The following NPAS4 variants were observed in gnomAD, a reference collection of about 807,000 sequenced individuals.
NPAS4 encodes the protein neuronal PAS domain protein 4.
Under a neutral mutation model 64.0 loss-of-function variants are expected in NPAS4, and 10 were observed. The observed-to-expected ratio is 0.16, with a 90% CI of 0.10 to 0.26. The LOEUF (loss-of-function observed/expected upper bound fraction) is 0.26. NPAS4 is among the 10% of genes least tolerant of loss of function. The probability of loss-of-function intolerance (pLI) is 1.00; values close to 1 mark genes in which losing one functional copy is unlikely to be tolerated. For synonymous variants in NPAS4, 441 were observed against 411.7 expected, an observed-to-expected ratio of 1.07 and a Z score of -0.86; for missense variants, 886 against 992.6, an observed-to-expected ratio of 0.89 and a Z score of 1.44.
chr11:66,420,232 G>T (rs1273733088), upstream of NPAS4, among the ~76,000 whole-genome samples: 1 of 152,240 alleles, frequency 6.6e-6, no homozygotes, highest in Non-Finnish European at 1.5e-5. Flanking sequence ...AGGTTAATTA[G>T]CTGAGAGGGA....
In NPAS4 at chr11:66,424,419, A is replaced by C. The variant is rs1340548176; in HGVS notation, c.1529A>C (p.Asp510Ala). ...QLTPCTSTFP[D>A]QLLPSTATFP... ...ACTCCCTGCACCTCCACCTTCCCAGACCAGCTGCTTCCCAGCACAGCCACC... is the reference window on the plus strand; with the variant it reads ...ACTCCCTGCACCTCCACCTTCCCAGCCCAGCTGCTTCCCAGCACAGCCACC... The change falls in exon 7 of 8, where the codon GAC becomes GCC. Residue 510 changes from aspartate to alanine, a missense_variant. This residue lies in a region of NPAS4 where 820 missense variants were observed against 855.5 expected (regional missense o/e 0.96). Coordinates refer to ENST00000311034, the MANE Select transcript of NPAS4 (RefSeq NM_178864.4). The C allele has an allele frequency of 1.9e-6, 3 of 1,614,030 alleles. No individual in the cohort carries two copies. Among genetic ancestry groups the C allele is most frequent in the Non-Finnish European group, 2.5e-6 (3 of 1,179,994 alleles).
At position 66,426,129 on chromosome 11, in the gene NPAS4, T is replaced by TGG. The variant is rs3215144; in HGVS notation, c.*149_*150dup. 2.8e-5 allele frequency: 9 copies of TGG among 322,048 alleles called. No homozygotes were observed. Among genetic ancestry groups the TGG allele is most frequent in the South Asian group, 8.0e-5 (3 of 37,732 alleles). 19.9% of individuals were successfully genotyped at this position (322,048 alleles called of 1,614,324 possible). A position where few individuals can be genotyped will look rare whatever the true frequency, so the allele number is the denominator to read the frequency against. On this transcript the variant is annotated 3_prime_UTR_variant, in exon 8 of 8. Transcript: ENST00000311034. ...TGATTCCCCAGGCCCTGCAGGATTT[T>TGG]GGGGGGGGGGAGGTGGGAGGGCAAG...
rs1368349111 is a variant in NPAS4 at position 66,421,036 on chromosome 11, G to A, written c.-144G>A. ...AAGGCGGCGTGAGGCAGGCGAGGGG[G>A]GCAGCGCAGCCGAGCGGAGCCCAGG... On this transcript the variant is annotated 5_prime_UTR_variant, in exon 1 of 8. Transcript: ENST00000311034. The A allele has an allele frequency of 1.4e-5, 10 of 693,040 alleles. No individual in the cohort carries two copies. Among genetic ancestry groups the A allele is most frequent in the Non-Finnish European group, 2.4e-5 (10 of 420,224 alleles). The allele number at this position is 693,040 out of a possible 1,614,324, so 42.9% of individuals were successfully genotyped here.
chr11:66,425,348 T>C (rs145460765), intron 7 of NPAS4, 78 bp downstream of exon 7: 21,603 of 737,240 alleles, frequency 0.029, 420 homozygotes, highest in Non-Finnish European at 0.037. Context: ...GCAAATCAAT[T>C]CCCCCTCTCT....
At chr11:66,411,979 G>T in the NPAS4 span, among the ~76,000 whole-genome samples, 1 of 152,210 alleles carries the variant, frequency 6.6e-6, no homozygotes, top group African/African-American at 2.4e-5. Context: ...CACTCATCAG[G>T]TACACAAGGT....
upstream of NPAS4, among the ~76,000 whole-genome samples, chr11:66,416,470 G>A (rs898302018): frequency 6.6e-6 from 1 of 152,204 alleles, no homozygotes; most frequent in Non-Finnish European, 1.5e-5. Flanking sequence ...TGGTGGCCAG[G>A]CTTTGGAGGA....
In NPAS4 at chr11:66,424,039, T is replaced by G; in HGVS notation, c.1149T>G (p.Val383=). Residue 383 remains valine (V), a synonymous_variant, in exon 7 of 8, where the codon GTT becomes GTG. Transcript: ENST00000311034. ...TSFPSAPELS[V]VSASEELPRP... ...TCCCCAGTGCTCCTGAACTGAGTGT[T>G]GTCTCTGCATCAGAAGAGCTTCCCC... 1.2e-6 allele frequency: 2 copies of G among 1,614,162 alleles called. No individual in the cohort carries two copies. The highest frequency in any genetic ancestry group is 1.7e-6 in the Non-Finnish European group (2 of 1,180,016).
the NPAS4 span, chr11:66,411,070 T>A: frequency 6.6e-6 from 1 of 152,274 alleles, no homozygotes; most frequent in Non-Finnish European, 1.5e-5. Flanking sequence ...CAGTACTTAC[T>A]CCCCTGTGTC....
upstream of NPAS4, chr11:66,421,026 A>T (rs1021878182): frequency 3.1e-6 from 2 of 649,398 alleles, no homozygotes; most frequent in Non-Finnish European, 5.2e-6. Flanking sequence ...GGCGTGAGGC[A>T]GGCGAGGGGG....
chr11:66,411,042 A>C, the NPAS4 span: 1 of 152,428 alleles, frequency 6.6e-6, no homozygotes, highest in Admixed American at 6.5e-5. Context: ...GGAAGAAGCA[A>C]AACTACAGGC....
chr11:66,424,681 C>T lies in NPAS4; in HGVS notation c.1791C>T (p.Pro597=). The T allele has an allele frequency of 6.2e-7, 1 of 1,613,310 alleles. No homozygotes were observed. The highest frequency in any genetic ancestry group is 1.1e-5 in the South Asian group (1 of 90,982). ...TGGCCCTAGCCCAGCTCCGGGGCCCCCTCTCTGTGGATGTCCCCCTGGTGC... is the reference window on the plus strand; with the variant it reads ...TGGCCCTAGCCCAGCTCCGGGGCCCTCTCTCTGTGGATGTCCCCCTGGTGC... ...TLLALAQLRG[P]LSVDVPLVPE... Residue 597 remains proline (P), a synonymous_variant, in exon 7 of 8, where the codon CCC becomes CCT. Coordinates refer to ENST00000311034, the MANE Select transcript of NPAS4 (RefSeq NM_178864.4).
upstream of NPAS4, chr11:66,420,972 G>C: frequency 1.9e-6 from 1 of 535,624 alleles, no homozygotes; most frequent in African/African-American, 1.9e-5. Context: ...CGCCCCCCCG[G>C]CTCTAAAACG....
rs976838401 is a variant in NPAS4, at chr11:66,424,473, A to G, written c.1583A>G (p.His528Arg). The change falls in exon 7 of 8, where the codon CAT becomes CGT. Residue 528 changes from histidine (H) to arginine (R), a missense_variant. By Grantham distance (29) the His-to-Arg change is conservative. Transcript: ENST00000311034. Reference protein sequence around the residue: ...TFPEPLGSPAHEQLTPPSTAF... With the variant: ...TFPEPLGSPAREQLTPPSTAF... ...CCAGAGCCTCTGGGCAGCCCTGCCC[A>G]TGAACAGCTGACTCCTCCCAGCACA... 2 of 1,614,116 alleles carry G rather than the reference A, an allele frequency of 1.2e-6. No individual in the cohort carries two copies. Among genetic ancestry groups the G allele is most frequent in the South Asian group, 1.1e-5 (1 of 91,088 alleles).
At chr11:66,421,410 G>T in intron 1 of NPAS4, 56 bp downstream of exon 1, 2 of 1,549,970 alleles carry the variant, frequency 1.3e-6, no homozygotes, top group Non-Finnish European at 1.8e-6. Flanking sequence ...AGACCCTGGA[G>T]CTGAGGGAAC....
At position 66,421,331 on chromosome 11, in the gene NPAS4, G is replaced by A; in HGVS notation, c.152G>A (p.Arg51His). 1 of 1,614,122 alleles carries A rather than the reference G, an allele frequency of 6.2e-7. No homozygotes were observed. The highest frequency in any genetic ancestry group is 8.5e-7 in the Non-Finnish European group (1 of 1,179,958). The change falls in exon 1 of 8, where the codon CGC (arginine) becomes CAC (histidine). Residue 51 changes from arginine (R) to histidine (H), a missense_variant. Physicochemically the swap from Arg to His is conservative, Grantham distance 29 (BLOSUM62 0). Transcript: ENST00000311034. ...HIMSLACIYTRKGVFFAGGTP... is the reference protein window; with the variant it reads ...HIMSLACIYTHKGVFFAGGTP... ...ATGAGCCTCGCCTGCATCTACACTCGCAAGGGCGTCTTCTTCGCTGGTGGT... is the reference window on the plus strand; with the variant it reads ...ATGAGCCTCGCCTGCATCTACACTCACAAGGGCGTCTTCTTCGCTGGTGGT...
Position 66,422,102 on chromosome 11 carries a change from C to T in NPAS4, c.176-18C>T, listed in dbSNP as rs368389960. Reference sequence around the variant, plus strand: ...TCCCAGTCTTACTCCTGACGCACTACGTCTTCTCGCCCTACAGGCACTCCT... The same window carrying T: ...TCCCAGTCTTACTCCTGACGCACTATGTCTTCTCGCCCTACAGGCACTCCT... On this transcript the variant is annotated intron_variant, in intron 1 of 7. Transcript: ENST00000311034. The T allele has an allele frequency of 4.3e-6, 7 of 1,611,574 alleles. No homozygotes were observed. Among genetic ancestry groups the T allele is most frequent in the Middle Eastern group, 1.7e-4 (1 of 5,766 alleles).
upstream of NPAS4, among the ~76,000 whole-genome samples, chr11:66,420,278 G>A (rs557565884): frequency 6.6e-6 from 1 of 152,222 alleles, no homozygotes; most frequent in Non-Finnish European, 1.5e-5. Context: ...CGCTGATGTT[G>A]GTTTCTATTC....
chr11:66,425,226 A>G lies in NPAS4; in HGVS notation c.2336A>G (p.Glu779Gly), dbSNP rs1378697793. ...TTCCCCTATGATGGGTTTACTGATG[A>G]GTTGCATCAACTCCAGAGCCAAGTT... ...SAFPYDGFTD[E>G]LHQLQSQVQD... The change falls in exon 7 of 8, where the codon GAG becomes GGG. Residue 779 changes from glutamate (E) to glycine (G), a missense_variant. By Grantham distance (98) the Glu-to-Gly change is moderately conservative. This residue lies in a region of NPAS4 where 28 missense variants were observed against 57.0 expected (regional missense o/e 0.49). Transcript: ENST00000311034. 25 of 1,528,454 alleles carry G rather than the reference A, an allele frequency of 1.6e-5. No homozygotes were observed. Among genetic ancestry groups the G allele is most frequent in the Non-Finnish European group, 2.2e-5 (25 of 1,142,160 alleles). 94.7% of individuals were successfully genotyped at this position (1,528,454 alleles called of 1,614,324 possible). A position where few individuals can be genotyped will look rare whatever the true frequency, so the allele number is the denominator to read the frequency against.
At chr11:66,415,737 A>G in the NPAS4 span, among the ~76,000 whole-genome samples, 1 of 152,204 alleles carries the variant, frequency 6.6e-6, no homozygotes, top group South Asian at 2.1e-4. Context: ...ACTAGGGGTG[A>G]GGCTCAGCAT....
Sources: gnomAD v4.1 joint callset for allele counts (sites outside exome capture counted in the v4.1 genomes callset) on GRCh38, gnomAD v4.1.1 for gene constraint, gnomAD v4.1.1 regional missense constraint, MANE v1.5 for transcripts, NCBI Gene and HGNC (gene_info 2026-07-23, HGNC 2026-07-21) for gene names.